The following ALLC variants were observed in gnomAD, a reference collection of about 807,000 sequenced individuals.
The protein encoded by ALLC is probable inactive allantoicase.
In ALLC, 40 loss-of-function variants were observed where a neutral mutation model predicts 45.0. The ratio of observed to expected loss-of-function variants is 0.89; its 90% CI spans 0.69 to 1.16. The LOEUF is 1.16. ALLC is among the 50% of genes most tolerant of loss of function. ALLC has a pLI of 0.00. For missense variants in ALLC, 488 were observed against 493.1 expected, an observed-to-expected ratio of 0.99 and a Z score of 0.10; for synonymous variants, 176 against 178.1, an observed-to-expected ratio of 0.99 and a Z score of 0.09.
chr2:3,656,966 G>C (rs562745366), upstream of ALLC, among the ~76,000 whole-genome samples: 1 of 152,326 alleles, frequency 6.6e-6, no homozygotes, highest in South Asian at 2.1e-4. Flanking sequence ...TGACTGATCC[G>C]AGGCGGCGAG....
At chr2:3,652,962 G>A in the ALLC span, among the ~76,000 whole-genome samples, 1 of 152,210 alleles carries the variant, frequency 6.6e-6, no homozygotes, top group African/African-American at 2.4e-5. Context: ...ACTGAGCTAA[G>A]CTGGGCAGTT....
intron 7 of ALLC, among the ~76,000 whole-genome samples, chr2:3,692,240 T>C (rs183094468): frequency 6.6e-6 from 1 of 152,210 alleles, no homozygotes; most frequent in African/African-American, 2.4e-5. Context: ...GTTTCAGTTT[T>C]TGTTGAATAT....
At chr2:3,662,032 G>T (rs116787759) in intron 1 of ALLC, among the ~76,000 whole-genome samples, 7,195 of 152,228 alleles carry the variant, frequency 0.047, 533 homozygotes, top group African/African-American at 0.16. Context: ...CCTCTCTCAA[G>T]TCTCTGCCCA....
intron 1 of ALLC, among the ~76,000 whole-genome samples, chr2:3,666,178 C>T (rs1572506389): frequency 6.6e-6 from 1 of 152,216 alleles, no homozygotes. Context: ...CTGGCTTCTC[C>T]CACCACAGGG....
chr2:3,649,089 G>A, the ALLC span, among the ~76,000 whole-genome samples: 1 of 152,142 alleles, frequency 6.6e-6, no homozygotes, highest in African/African-American at 2.4e-5. Context: ...GGCAACACAC[G>A]TCATAGGTTC....
rs1392267368 is a variant in ALLC at position 3,679,937 on chromosome 2, T to C, written c.241T>C (p.Tyr81His). Residue 81 changes from tyrosine (Y) to histidine (H), a missense_variant, in exon 5 of 12, where the codon TAC (tyrosine) becomes CAC (histidine). By Grantham distance (83) the Tyr-to-His change is moderately conservative. Transcript: ENST00000252505. ...VIRGFDVDVS[Y>H]FTGDYAPRVS... ...CCGGGGCTTCGACGTGGACGTTTCT[T>C]ACTTCACGGGAGATTACGCTCCTCG... is the stretch of plus-strand genomic sequence containing the variant. The C allele has an allele frequency of 1.9e-6, 3 of 1,614,004 alleles. No homozygotes were observed. Among genetic ancestry groups the C allele is most frequent in the Non-Finnish European group, 2.5e-6 (3 of 1,179,886 alleles).
chr2:3,701,629 T>G lies in ALLC; in HGVS notation c.968T>G (p.Val323Gly). The G allele has an allele frequency of 1.2e-6, 2 of 1,611,486 alleles. No individual in the cohort carries two copies. The highest frequency in any genetic ancestry group is 2.2e-5 in the South Asian group (2 of 90,408). ...PAHKWKPLLP[V>G]TKLSPNQSHL... ...CACAAGTGGAAACCACTGCTTCCAG[T>G]GACCAAGGTTCGTGTGGCATGTTAT... The change falls in exon 11 of 12, where the codon GTG becomes GGG. Residue 323 changes from valine to glycine, a missense_variant. Transcript: ENST00000252505.
intron 10 of ALLC, among the ~76,000 whole-genome samples, chr2:3,698,154 G>A (rs1028880922): frequency 1.3e-5 from 2 of 151,608 alleles, no homozygotes; most frequent in Non-Finnish European, 2.9e-5. Context: ...TAGTAGAGAC[G>A]GGGTTTCACC....
chr2:3,652,621 C>T, the ALLC span, among the ~76,000 whole-genome samples: 2 of 125,014 alleles, frequency 1.6e-5, no homozygotes, highest in Admixed American at 1.0e-4. Context: ...AATGGAGTCT[C>T]GCTCGTTTAG....
chr2:3,645,884 G>A, the ALLC span, among the ~76,000 whole-genome samples: 35 of 152,256 alleles, frequency 2.3e-4, no homozygotes, highest in African/African-American at 8.4e-4. This position sits in a 1 kb window ranked among gnomAD's most constrained non-coding sequence, Gnocchi z 4.3. Context: ...AGAGGGAGCT[G>A]TGGAGCTGGC....
intron 7 of ALLC, among the ~76,000 whole-genome samples, chr2:3,687,613 A>G (rs1220872905): frequency 6.6e-6 from 1 of 150,944 alleles, no homozygotes; most frequent in Non-Finnish European, 1.5e-5. Flanking sequence ...CTTTTATCTC[A>G]TCATTCATTA....
intron 1 of ALLC, among the ~76,000 whole-genome samples, chr2:3,665,658 G>A (rs1409998189): frequency 6.6e-6 from 1 of 152,146 alleles, no homozygotes; most frequent in Non-Finnish European, 1.5e-5. Flanking sequence ...CCTTTTTATG[G>A]CTGCATAGTA....
In ALLC at chr2:3,680,729, G is replaced by C. The variant is rs1667155376; in HGVS notation, c.298+735G>C. On this transcript the variant is annotated intron_variant, in intron 5 of 11. Coordinates refer to ENST00000252505, the MANE Select transcript of ALLC (RefSeq NM_018436.4). The surrounding 1 kb of genome is among the most constrained non-coding windows in gnomAD (Gnocchi z 4.0). Reference sequence around the variant, plus strand: ...GGGAAAGGGTCTGCGTGCTCCAGCGGGACAACTGAAGGCAGCCTCCAGAAC... The same window carrying C: ...GGGAAAGGGTCTGCGTGCTCCAGCGCGACAACTGAAGGCAGCCTCCAGAAC... 6.6e-6 allele frequency among the ~76,000 whole-genome samples: 1 copy of C among 152,140 alleles called. No individual in the cohort carries two copies. The highest frequency in any genetic ancestry group is 2.4e-5 in the African/African-American group (1 of 41,422).
At chr2:3,673,505 C>T (rs1572512627) in intron 2 of ALLC, among the ~76,000 whole-genome samples, 1 of 152,234 alleles carries the variant, frequency 6.6e-6, no homozygotes, top group East Asian at 1.9e-4. Context: ...GCCCTCCAGG[C>T]TGCAGTGACC....
chr2:3,700,679 A>T, intron 10 of ALLC, among the ~76,000 whole-genome samples: 1 of 152,312 alleles, frequency 6.6e-6, no homozygotes, highest in Non-Finnish European at 1.5e-5. Flanking sequence ...ATATACACAT[A>T]CATATGTATG....
At chr2:3,694,839 A>T (rs985183735) in intron 7 of ALLC, 1 of 152,234 alleles carries the variant, frequency 6.6e-6, no homozygotes, top group African/African-American at 2.4e-5. Context: ...TTAATTTTCT[A>T]TATTAAAAAT....
chr2:3,678,684 A>G, intron 4 of ALLC, 129 bp downstream of exon 4: 1 of 723,650 alleles, frequency 1.4e-6, no homozygotes, highest in Non-Finnish European at 2.4e-6. Context: ...GTAATCTTGG[A>G]TGTCCTTATC....
At chr2:3,695,967 C>T (rs1667655962) in intron 8 of ALLC, 95 bp downstream of exon 8, 19 of 1,265,450 alleles carry the variant, frequency 1.5e-5, no homozygotes, top group Non-Finnish European at 2.1e-5. Context: ...AGGAAAGGCA[C>T]ATCTCAAAGC....
chr2:3,651,315 GGGGGGGTGT>G, the ALLC span, among the ~76,000 whole-genome samples: 7 of 20,160 alleles, frequency 3.5e-4, no homozygotes, highest in Admixed American at 7.9e-4. Flanking sequence ...TGGGTGGGTG[GGGGGGGTGT>G]GTGTGTGTGT....
Sources: allele counts gnomAD v4.1 joint callset (sites outside exome capture counted in the v4.1 genomes callset), GRCh38; gene constraint gnomAD v4.1.1; non-coding constraint Gnocchi (gnomAD v3.1); transcripts MANE v1.5; gene names NCBI Gene and HGNC (gene_info 2026-07-23, HGNC 2026-07-21).